Variants in ATP8A2 observed in about 807,000 individuals in gnomAD.
The protein encoded by ATP8A2 is phospholipid-transporting ATPase IB.
ATP8A2 carries 100 observed loss-of-function variants against 165.6 expected under a neutral mutation model. The observed-to-expected ratio is 0.60, with a 90% confidence interval of 0.51 to 0.71. ATP8A2 has a LOEUF of 0.71. ATP8A2 is among the 30% of genes least tolerant of loss of function. The probability of loss-of-function intolerance (pLI) is 0.00; values close to 1 mark genes in which losing one functional copy is unlikely to be tolerated. For missense variants in ATP8A2, 1,227 were observed against 1,479.5 expected, an observed-to-expected ratio of 0.83 and a Z score of 2.80; for synonymous variants, 543 against 548.8, an observed-to-expected ratio of 0.99 and a Z score of 0.15.
At chr13:25,791,169 A>G (rs1168320268) in intron 27 of ATP8A2, among the ~76,000 whole-genome samples, 1 of 152,204 alleles carries the variant, frequency 6.6e-6, no homozygotes, top group Non-Finnish European at 1.5e-5. Flanking sequence ...GATAAAGAAA[A>G]TGTGGTACAT....
chr13:25,450,797 C>G (rs1240173435), intron 1 of ATP8A2, among the ~76,000 whole-genome samples: 1 of 152,046 alleles, frequency 6.6e-6, no homozygotes, highest in Non-Finnish European at 1.5e-5. Context: ...TCCCAAAGTG[C>G]TAGGATTACA....
At chr13:25,913,024 C>A (rs1044184365) in intron 33 of ATP8A2, among the ~76,000 whole-genome samples, 2 of 152,154 alleles carry the variant, frequency 1.3e-5, no homozygotes, top group Admixed American at 1.3e-4. Flanking sequence ...CGTGTAGGTT[C>A]CTGCTTTCAA....
intron 33 of ATP8A2, among the ~76,000 whole-genome samples, chr13:25,946,770 C>G (rs952077142): frequency 1.3e-5 from 2 of 151,906 alleles, no homozygotes; most frequent in Non-Finnish European, 2.9e-5. Flanking sequence ...TTTTTTGAGA[C>G]AGAGTCTTAC....
At chr13:25,534,360 A>G in intron 6 of ATP8A2, 1 of 389,882 alleles carries the variant, frequency 2.6e-6, no homozygotes, top group South Asian at 2.0e-5. Context: ...AGATGCTCCC[A>G]ATGCTGAAGG....
intron 1 of ATP8A2, among the ~76,000 whole-genome samples, chr13:25,409,002 A>G (rs893417383): frequency 6.6e-6 from 1 of 152,230 alleles, no homozygotes; most frequent in African/African-American, 2.4e-5. Flanking sequence ...TTGCAAATTC[A>G]TAGGTCATTT....
chr13:25,667,687 AATAC>A (rs2137729731), intron 24 of ATP8A2, among the ~76,000 whole-genome samples: 1 of 152,196 alleles, frequency 6.6e-6, no homozygotes, highest in Admixed American at 6.5e-5. Flanking sequence ...CTTTAATAGC[AATAC>A]AAAATGGACT....
chr13:25,943,352 C>A (rs1250603007), intron 33 of ATP8A2, among the ~76,000 whole-genome samples: 6 of 152,172 alleles, frequency 3.9e-5, no homozygotes, highest in Non-Finnish European at 8.8e-5. Flanking sequence ...AACAGCAGAC[C>A]ACACATATGA....
At position 25,768,975 on chromosome 13, in the gene ATP8A2, C is replaced by A. The variant is rs548635538; in HGVS notation, c.2385-71C>A. On this transcript the variant is annotated intron_variant, in intron 25 of 36. Transcript: ENST00000381655. ...TCCAGTAACTGTCCTTTTAATGCAGCGGAATGTAGATTACAGCTGTTTCCT... is the reference window on the plus strand; with the variant it reads ...TCCAGTAACTGTCCTTTTAATGCAGAGGAATGTAGATTACAGCTGTTTCCT... 3,605 of 1,402,640 alleles carry A rather than the reference C, an allele frequency of 2.6e-3. 13 individuals carry two copies. The highest frequency in any genetic ancestry group is 2.7e-3 in the Non-Finnish European group (2,707 of 990,454). 86.9% of individuals were successfully genotyped at this position (1,402,640 alleles called of 1,614,324 possible).
At chr13:25,963,115 G>A (rs1433107637) in intron 34 of ATP8A2, among the ~76,000 whole-genome samples, 2 of 152,068 alleles carry the variant, frequency 1.3e-5, no homozygotes, top group Admixed American at 6.6e-5. Context: ...AGTAGTTTTG[G>A]CCAGGCGCAG....
chr13:26,017,526 G>A (rs1957005285), intron 36 of ATP8A2, among the ~76,000 whole-genome samples: 1 of 152,250 alleles, frequency 6.6e-6, no homozygotes, highest in African/African-American at 2.4e-5. Context: ...CGGTGCCAGA[G>A]GGAGGCAGGA....
intron 27 of ATP8A2, among the ~76,000 whole-genome samples, chr13:25,794,898 T>G (rs1950468224): frequency 6.6e-6 from 1 of 150,446 alleles, no homozygotes; most frequent in South Asian, 2.1e-4. Flanking sequence ...CATCTCATAT[T>G]TTCTTGTAAT....
At chr13:25,870,185 G>A (rs1006286751) in intron 33 of ATP8A2, among the ~76,000 whole-genome samples, 4 of 152,296 alleles carry the variant, frequency 2.6e-5, no homozygotes, top group Middle Eastern at 3.4e-3. Context: ...GTGCCTGTCC[G>A]TGCATTCCTC....
At position 25,426,730 on chromosome 13, in the gene ATP8A2, G is replaced by A. The variant is rs377423180; in HGVS notation, c.77-42247G>A. 4.7e-4 allele frequency among the ~76,000 whole-genome samples: 71 copies of A among 152,122 alleles called. 1 individual carries two copies. Among genetic ancestry groups the A allele is most frequent in the South Asian group, 3.1e-3 (15 of 4,816 alleles). On this transcript the variant is annotated intron_variant, in intron 1 of 36. Transcript: ENST00000381655. ...GGCTGACACGGGTGGATCACCTGAG[G>A]TCAGGAGTTTGAGACCAGCCTGGCC... is the stretch of plus-strand genomic sequence containing the variant.
intron 27 of ATP8A2, among the ~76,000 whole-genome samples, chr13:25,783,763 T>C (rs2044948150): frequency 6.6e-6 from 1 of 152,196 alleles, no homozygotes; most frequent in South Asian, 2.1e-4. Context: ...CTGTTCCAGC[T>C]CTGTGATAAA....
At chr13:25,498,427 A>G (rs2036747277) in intron 2 of ATP8A2, among the ~76,000 whole-genome samples, 1 of 152,192 alleles carries the variant, frequency 6.6e-6, no homozygotes, top group African/African-American at 2.4e-5. Context: ...TTGTTTACAT[A>G]TGCACATCTA....
chr13:25,418,862 A>G (rs1419747563), intron 1 of ATP8A2, among the ~76,000 whole-genome samples: 1 of 152,188 alleles, frequency 6.6e-6, no homozygotes, highest in African/African-American at 2.4e-5. Flanking sequence ...TTTAACAGTC[A>G]GTTTGTAAGA....
chr13:25,480,625 T>A (rs1438712525), intron 2 of ATP8A2, among the ~76,000 whole-genome samples: 1 of 149,664 alleles, frequency 6.7e-6, no homozygotes, highest in African/African-American at 2.5e-5. Flanking sequence ...GCTCCTCACT[T>A]CCTAGATGGG....
chr13:25,502,988 C>T (rs2036904836), intron 2 of ATP8A2, among the ~76,000 whole-genome samples: 1 of 152,146 alleles, frequency 6.6e-6, no homozygotes, highest in African/African-American at 2.4e-5. Flanking sequence ...CTTGACCAAA[C>T]TTTTGGGCAT....
chr13:25,687,063 C>T (rs1315102226), intron 24 of ATP8A2, among the ~76,000 whole-genome samples: 1 of 152,124 alleles, frequency 6.6e-6, no homozygotes, highest in Non-Finnish European at 1.5e-5. Context: ...CATCAGAAGG[C>T]CCTTGTCACG....
Sources: gnomAD v4.1 joint callset for allele counts (sites outside exome capture counted in the v4.1 genomes callset) on GRCh38, gnomAD v4.1.1 for gene constraint, MANE v1.5 for transcripts, NCBI Gene and HGNC (gene_info 2026-07-23, HGNC 2026-07-21) for gene names.